KCNIP3: variants seen among roughly 807,000 people sequenced by gnomAD.
The protein encoded by KCNIP3 is calsenilin.
Under a neutral mutation model 35.0 loss-of-function variants are expected in KCNIP3, and 28 were observed. The observed-to-expected ratio is 0.80, with a 90% CI of 0.59 to 1.10. The LOEUF (loss-of-function observed/expected upper bound fraction) is 1.10, where lower values mean the gene tolerates loss of function less well. Ranked by LOEUF, KCNIP3 falls within the 50% of genes least tolerant of loss-of-function variation. KCNIP3 has a pLI of 0.00. For missense variants in KCNIP3, 295 were observed against 338.4 expected (o/e 0.87, Z 1.01); for synonymous variants, 134 against 133.8 (o/e 1.00, Z -0.01).
intron 2 of KCNIP3, among the ~76,000 whole-genome samples, chr2:95,337,927 T>C (rs1438976276): frequency 2.6e-5 from 4 of 152,088 alleles, no homozygotes; most frequent in Non-Finnish European, 5.9e-5. Context: ...GCCAAGAAAG[T>C]CCAGGCCCAA....
At chr2:95,366,849 G>T (rs1337300115) in intron 2 of KCNIP3, among the ~76,000 whole-genome samples, 1 of 152,082 alleles carries the variant, frequency 6.6e-6, no homozygotes, top group African/African-American at 2.4e-5. Flanking sequence ...TGTTTGATTA[G>T]GTTTTTTGAC....
At chr2:95,381,508 G>A (rs115033831) in intron 5 of KCNIP3, 88 bp from the exon 6 acceptor site, 1,047 of 938,206 alleles carry the variant, frequency 1.1e-3, no homozygotes, top group Non-Finnish European at 1.6e-3. Context: ...TGTTGGAGGC[G>A]TGAATTTCAG....
chr2:95,322,716 C>T (rs183175496), intron 2 of KCNIP3, among the ~76,000 whole-genome samples: 73 of 152,308 alleles, frequency 4.8e-4, no homozygotes, highest in Admixed American at 1.2e-3. Flanking sequence ...ATGTCTATCC[C>T]GTGATTTCTC....
chr2:95,341,244 C>G (rs1679187045), intron 2 of KCNIP3, among the ~76,000 whole-genome samples: 1 of 152,090 alleles, frequency 6.6e-6, no homozygotes, highest in South Asian at 2.1e-4. Context: ...GTGGCACCTC[C>G]CCCCTCACTC....
At chr2:95,326,082 C>T (rs1678769300) in intron 2 of KCNIP3, among the ~76,000 whole-genome samples, 1 of 97,260 alleles carries the variant, frequency 1.0e-5, no homozygotes, top group Admixed American at 9.8e-5. Context: ...TACTAACACA[C>T]TCATATACAC....
At chr2:95,327,597 T>A (rs1410961489) in intron 2 of KCNIP3, among the ~76,000 whole-genome samples, 7 of 152,266 alleles carry the variant, frequency 4.6e-5, no homozygotes, top group South Asian at 2.1e-4. Flanking sequence ...TGAGGAGGGA[T>A]CTGGAGTGGC....
At chr2:95,336,243 A>G (rs963462955) in intron 2 of KCNIP3, among the ~76,000 whole-genome samples, 1 of 152,216 alleles carries the variant, frequency 6.6e-6, no homozygotes, top group Non-Finnish European at 1.5e-5. Context: ...ACCTACAGCA[A>G]CTTCAGGCAT....
At chr2:95,357,005 A>G (rs185309610) in intron 2 of KCNIP3, among the ~76,000 whole-genome samples, 1 of 152,262 alleles carries the variant, frequency 6.6e-6, no homozygotes, top group East Asian at 1.9e-4. Flanking sequence ...CTGCTGGGCC[A>G]TGCTCGCCGG....
chr2:95,347,446 G>A (rs1294367227), intron 2 of KCNIP3, among the ~76,000 whole-genome samples: 1 of 152,212 alleles, frequency 6.6e-6, no homozygotes, highest in Admixed American at 6.5e-5. Context: ...AGCGGGAGGT[G>A]GCGCAGGGTG....
chr2:95,367,642 T>C (rs1304925894), intron 2 of KCNIP3, among the ~76,000 whole-genome samples: 1 of 152,218 alleles, frequency 6.6e-6, no homozygotes, highest in Non-Finnish European at 1.5e-5. Context: ...CAATTGTAAA[T>C]GGTATTGTTT....
At position 95,374,430 on chromosome 2, in the gene KCNIP3, C is replaced by T. The variant is rs117109173; in HGVS notation, c.306+10C>T. The T allele has an allele frequency of 2.7e-5, 43 of 1,612,904 alleles. No individual in the cohort carries two copies. Among genetic ancestry groups the T allele is most frequent in the Non-Finnish European group, 3.5e-5 (41 of 1,179,400 alleles). ...CAGGGGCTTTAAGAATGTGAGTGTT[C>T]CCCATTCCCCCGGGAGAGGCCTTGG... On this transcript the variant is annotated intron_variant, in intron 3 of 8. Transcript: ENST00000295225.
chr2:95,331,133 G>A (rs148998969), intron 2 of KCNIP3, among the ~76,000 whole-genome samples: 6 of 152,266 alleles, frequency 3.9e-5, no homozygotes, highest in Non-Finnish European at 8.8e-5. Context: ...GGCTGAGCCC[G>A]AGGGGTAGGC....
At chr2:95,374,786 A>G (rs1680131938) in intron 3 of KCNIP3, 62 bp from the exon 4 acceptor site, 2 of 1,567,488 alleles carry the variant, frequency 1.3e-6, no homozygotes, top group Admixed American at 1.7e-5. Context: ...GCCAGGCACC[A>G]TGCAGAGTCG....
chr2:95,317,535 G>A (rs1233599634), intron 2 of KCNIP3, among the ~76,000 whole-genome samples: 1 of 152,164 alleles, frequency 6.6e-6, no homozygotes, highest in African/African-American at 2.4e-5. Context: ...GGGCTGAGGG[G>A]CAGGCAGTCC....
In KCNIP3 at chr2:95,316,760, C is replaced by T. The variant is rs149719100; in HGVS notation, c.181+6240C>T. Among the ~76,000 whole-genome samples the T allele has an allele frequency of 9.6e-4, 146 of 152,232 alleles. 1 individual carries two copies. In the Middle Eastern group the frequency reaches 0.014, roughly 14 times the overall value. ...GGGAATGGTGGAGTTTTCAGCTGGGCGCATTTCCATCTCCAACAGCATCTG... is the reference window on the plus strand; with the variant it reads ...GGGAATGGTGGAGTTTTCAGCTGGGTGCATTTCCATCTCCAACAGCATCTG... On this transcript the variant is annotated intron_variant, in intron 2 of 8. Coordinates refer to ENST00000295225, the MANE Select transcript of KCNIP3 (RefSeq NM_013434.5).
chr2:95,321,744 A>C (rs901324134), intron 2 of KCNIP3, among the ~76,000 whole-genome samples: 1 of 152,112 alleles, frequency 6.6e-6, no homozygotes, highest in Non-Finnish European at 1.5e-5. Context: ...ACTGAGAAAG[A>C]CCCAGGTGAG....
intron 2 of KCNIP3, among the ~76,000 whole-genome samples, chr2:95,327,236 G>A (rs1188303741): frequency 6.6e-6 from 1 of 152,196 alleles, no homozygotes; most frequent in African/African-American, 2.4e-5. Flanking sequence ...TGCCCACCTT[G>A]TCTGTAGTGA....
intron 2 of KCNIP3, among the ~76,000 whole-genome samples, chr2:95,328,321 C>T (rs1048884975): frequency 2.6e-5 from 4 of 152,108 alleles, no homozygotes; most frequent in South Asian, 2.1e-4. Flanking sequence ...TGTCTGAGGT[C>T]GTTTAGGTCT....
At chr2:95,347,057 T>C (rs779223433) in intron 2 of KCNIP3, 30 of 1,611,460 alleles carry the variant, frequency 1.9e-5, no homozygotes, top group Non-Finnish European at 2.5e-5. Context: ...GCCATGGCCG[T>C]GGTGGTGCTG....
Sources: allele counts gnomAD v4.1 joint callset (sites outside exome capture counted in the v4.1 genomes callset), GRCh38; gene constraint gnomAD v4.1.1; transcripts MANE v1.5; gene names NCBI Gene and HGNC (gene_info 2026-07-23, HGNC 2026-07-21).